Variants in SLC24A3 observed in about 807,000 individuals in gnomAD.
SLC24A3 encodes sodium/potassium/calcium exchanger 3.
In SLC24A3, 28 loss-of-function variants were observed where a neutral mutation model predicts 75.8. That is an observed-to-expected ratio of 0.37 (90% confidence interval 0.27 to 0.51). SLC24A3 has a LOEUF of 0.51. Ranked by LOEUF, SLC24A3 falls within the 20% of genes least tolerant of loss-of-function variation. The pLI, the probability that SLC24A3 is intolerant of heterozygous loss-of-function variation, is 0.94. For synonymous variants in SLC24A3, 372 were observed against 334.1 expected, an observed-to-expected ratio of 1.11 and a Z score of -1.24; for missense variants, 663 against 847.8, an observed-to-expected ratio of 0.78 and a Z score of 2.71.
At chr20:19,484,267 T>A (rs1255773107) in intron 2 of SLC24A3, among the ~76,000 whole-genome samples, 1 of 152,236 alleles carries the variant, frequency 6.6e-6, no homozygotes, top group African/African-American at 2.4e-5. Flanking sequence ...TTATGTTTTA[T>A]ATGCACCTTA....
chr20:19,235,883 T>C (rs6136659), intron 1 of SLC24A3, among the ~76,000 whole-genome samples: 24,353 of 152,174 alleles, frequency 0.16, 3,613 homozygotes, highest in East Asian at 0.82. Context: ...AGAGCCAGTC[T>C]GTAGTCTTCA....
chr20:19,298,200 GT>G (rs1394600354), intron 2 of SLC24A3, among the ~76,000 whole-genome samples: 1 of 152,246 alleles, frequency 6.6e-6, no homozygotes, highest in Non-Finnish European at 1.5e-5. Context: ...TGGAATAGAT[GT>G]AGGGATACAA....
chr20:19,695,629 C>T (rs933227361), intron 13 of SLC24A3: 1 of 152,140 alleles, frequency 6.6e-6, no homozygotes, highest in Non-Finnish European at 1.5e-5. Context: ...TAATGTTCAT[C>T]GTACCCATTA....
intron 2 of SLC24A3, among the ~76,000 whole-genome samples, chr20:19,432,021 A>T (rs6046087): frequency 0.092 from 13,922 of 152,062 alleles, 1,859 homozygotes; most frequent in African/African-American, 0.29. Context: ...TGAGTGACTC[A>T]GGGGGAAGAT....
chr20:19,474,670 G>A (rs1987932170), intron 2 of SLC24A3, among the ~76,000 whole-genome samples: 1 of 152,110 alleles, frequency 6.6e-6, no homozygotes, highest in Non-Finnish European at 1.5e-5. Context: ...TGTATATTAG[G>A]GGATGATTAA....
At chr20:19,467,632 G>A (rs1010611447) in intron 2 of SLC24A3, among the ~76,000 whole-genome samples, 1 of 152,136 alleles carries the variant, frequency 6.6e-6, no homozygotes, top group Non-Finnish European at 1.5e-5. Context: ...TGTAATCCTA[G>A]CACTTTGAGA....
chr20:19,551,807 TAC>T (rs773728846), intron 3 of SLC24A3, among the ~76,000 whole-genome samples: 25 of 152,302 alleles, frequency 1.6e-4, no homozygotes, highest in Non-Finnish European at 2.5e-4. Context: ...TCTGCTTCAT[TAC>T]TTTCATCCTC....
chr20:19,638,247 C>A (rs1014363318), intron 6 of SLC24A3, among the ~76,000 whole-genome samples: 9 of 151,886 alleles, frequency 5.9e-5, no homozygotes, highest in Admixed American at 3.3e-4. Flanking sequence ...TAGATGATAC[C>A]AAAAGTAGAT....
intron 2 of SLC24A3, among the ~76,000 whole-genome samples, chr20:19,464,356 A>G (rs1987729028): frequency 6.6e-6 from 1 of 151,980 alleles, no homozygotes; most frequent in Non-Finnish European, 1.5e-5. Flanking sequence ...ATATTAATGC[A>G]TTCATACCAC....
intron 2 of SLC24A3, among the ~76,000 whole-genome samples, chr20:19,317,718 C>G (rs1600426183): frequency 6.6e-6 from 1 of 152,186 alleles, no homozygotes; most frequent in Admixed American, 6.5e-5. Context: ...CACCAGCTCA[C>G]CCCTTCTTGC....
intron 2 of SLC24A3, among the ~76,000 whole-genome samples, chr20:19,305,682 G>T (rs1984307963): frequency 6.6e-6 from 1 of 152,106 alleles, no homozygotes; most frequent in Non-Finnish European, 1.5e-5. Flanking sequence ...AAACGGTGCT[G>T]GGATAAGTGG....
At chr20:19,243,229 A>G (rs1982384842) in intron 1 of SLC24A3, among the ~76,000 whole-genome samples, 1 of 152,188 alleles carries the variant, frequency 6.6e-6, no homozygotes, top group South Asian at 2.1e-4. Flanking sequence ...TATTATTTGT[A>G]AGATACTGGG....
intron 1 of SLC24A3, among the ~76,000 whole-genome samples, chr20:19,246,630 G>A (rs1411826457): frequency 6.6e-6 from 1 of 152,102 alleles, no homozygotes; most frequent in East Asian, 1.9e-4. Flanking sequence ...TTGATCAGTA[G>A]TTCAAAATAT....
At chr20:19,700,678 C>G (rs775060375) in intron 15 of SLC24A3, among the ~76,000 whole-genome samples, 2 of 152,184 alleles carry the variant, frequency 1.3e-5, no homozygotes, top group Non-Finnish European at 2.9e-5. Flanking sequence ...AAAGATCATC[C>G]TATGTAGGCA....
intron 13 of SLC24A3, 142 bp downstream of exon 13, chr20:19,693,567 T>G (rs2032772159): frequency 3.8e-6 from 4 of 1,042,218 alleles, no homozygotes; most frequent in Non-Finnish European, 5.3e-6. Flanking sequence ...CTAAACTTAG[T>G]AGTTTAGAAT....
At chr20:19,663,218 C>G (rs554094515) in intron 7 of SLC24A3, among the ~76,000 whole-genome samples, 1 of 151,898 alleles carries the variant, frequency 6.6e-6, no homozygotes, top group East Asian at 2.0e-4. Flanking sequence ...CAGGCATGAG[C>G]CACTGTGCCA....
chr20:19,492,791 A>G (rs972413076), intron 2 of SLC24A3, among the ~76,000 whole-genome samples: 1 of 152,218 alleles, frequency 6.6e-6, no homozygotes, highest in African/African-American at 2.4e-5. Context: ...AATGATCATT[A>G]TATAACTATT....
intron 3 of SLC24A3, among the ~76,000 whole-genome samples, chr20:19,565,037 C>G (rs893035049): frequency 1.3e-5 from 2 of 152,184 alleles, no homozygotes; most frequent in African/African-American, 2.4e-5. Context: ...AACTCCTGAC[C>G]TCAGGTGATC....
intron 9 of SLC24A3, among the ~76,000 whole-genome samples, chr20:19,681,522 C>G (rs1406684035): frequency 6.6e-6 from 1 of 152,210 alleles, no homozygotes; most frequent in African/African-American, 2.4e-5. Context: ...AGTCTTAGCA[C>G]AGTCCTTCCA....
Sources: allele counts gnomAD v4.1 joint callset (sites outside exome capture counted in the v4.1 genomes callset), GRCh38; gene constraint gnomAD v4.1.1; transcripts MANE v1.5; gene names NCBI Gene and HGNC (gene_info 2026-07-23, HGNC 2026-07-21).